ZNF248: variants seen among roughly 807,000 people sequenced by gnomAD.
ZNF248 encodes KRAB protein domain.
ZNF248 carries 20 observed loss-of-function variants against 44.3 expected under a neutral mutation model. The ratio of observed to expected loss-of-function variants is 0.45; its 90% CI spans 0.32 to 0.66. The LOEUF (loss-of-function observed/expected upper bound fraction) is 0.66. ZNF248 is among the 30% of genes least tolerant of loss of function. The probability of loss-of-function intolerance (pLI) is 0.04; values close to 1 mark genes in which losing one functional copy is unlikely to be tolerated. For synonymous variants in ZNF248, 224 were observed against 229.0 expected, an observed-to-expected ratio of 0.98 and a Z score of 0.20; for missense variants, 654 against 677.0, an observed-to-expected ratio of 0.97 and a Z score of 0.38.
chr10:37,777,166 C>A (rs1435530703), intron 6 of ZNF248, among the ~76,000 whole-genome samples: 1 of 152,054 alleles, frequency 6.6e-6, no homozygotes, highest in Non-Finnish European at 1.5e-5. Flanking sequence ...GCTGCCTGCA[C>A]ATTCTACAAA....
chr10:37,784,749 G>A (rs1471404836), intron 6 of ZNF248, among the ~76,000 whole-genome samples: 1 of 152,008 alleles, frequency 6.6e-6, no homozygotes, highest in Admixed American at 6.6e-5. Context: ...ACATCATCCT[G>A]GCCACTACAT....
intron 3 of ZNF248, among the ~76,000 whole-genome samples, chr10:37,841,513 T>C (rs970268080): frequency 6.6e-6 from 1 of 150,544 alleles, no homozygotes; most frequent in Admixed American, 6.6e-5. Flanking sequence ...AATGAGTTCA[T>C]ACTAATATAA....
chr10:37,788,597 G>C (rs1187815645), intron 6 of ZNF248, among the ~76,000 whole-genome samples: 3 of 152,170 alleles, frequency 2.0e-5, no homozygotes, highest in Non-Finnish European at 1.5e-5. Context: ...CTCCAGCCTG[G>C]GTGATGGAAC....
the ZNF248 span, among the ~76,000 whole-genome samples, chr10:37,764,332 C>T: frequency 5.3e-5 from 8 of 152,122 alleles, no homozygotes. Flanking sequence ...TTGGTCAGAC[C>T]GGTTGTCTGC....
At chr10:37,760,562 G>T in the ZNF248 span, among the ~76,000 whole-genome samples, 1 of 152,210 alleles carries the variant, frequency 6.6e-6, no homozygotes, top group African/African-American at 2.4e-5. Flanking sequence ...TAGGCTGGGT[G>T]CAGTGGCTCA....
intron 3 of ZNF248, among the ~76,000 whole-genome samples, chr10:37,845,087 C>T (rs2059096852): frequency 9.5e-6 from 1 of 105,066 alleles, no homozygotes; most frequent in African/African-American, 3.8e-5. Context: ...TCCAACTAGG[C>T]TCACTGCAAC....
At chr10:37,770,752 A>G in the ZNF248 span, among the ~76,000 whole-genome samples, 1 of 152,244 alleles carries the variant, frequency 6.6e-6, no homozygotes, top group East Asian at 1.9e-4. Context: ...CAATGGCAAC[A>G]AAAGACAAAA....
At position 37,829,665 on chromosome 10, in the gene ZNF248, C is replaced by G; in HGVS notation, c.*1950G>C. 1 of 985,376 alleles carries G rather than the reference C, an allele frequency of 1.0e-6. No individual in the cohort carries two copies. The highest frequency in any genetic ancestry group is 1.2e-6 in the Non-Finnish European group (1 of 829,930). 61.0% of individuals were successfully genotyped at this position (985,376 alleles called of 1,614,324 possible). ...CTGAGCTGGCTTTTCCCACCTTGTG[C>G]ACTGTTATCTTCAGGCTACTGCCCT... On this transcript the variant is annotated 3_prime_UTR_variant, in exon 6 of 6. Coordinates refer to ENST00000395867, the MANE Select transcript of ZNF248 (RefSeq NM_021045.3).
chr10:37,826,981 A>G (rs1459793842), downstream of ZNF248, among the ~76,000 whole-genome samples: 2 of 152,166 alleles, frequency 1.3e-5, no homozygotes, highest in African/African-American at 4.8e-5. Context: ...AAGTGAACCA[A>G]TATGTGGGTG....
At chr10:37,761,777 A>T in the ZNF248 span, among the ~76,000 whole-genome samples, 10 of 152,238 alleles carry the variant, frequency 6.6e-5, no homozygotes, top group African/African-American at 2.4e-4. Context: ...AGGTTGCCTG[A>T]GTTGGTTAAA....
intron 1 of ZNF248, 165 bp from the exon 2 acceptor site, chr10:37,856,697 G>A (rs891755546): frequency 1.0e-6 from 1 of 996,968 alleles, no homozygotes; most frequent in African/African-American, 1.7e-5. Flanking sequence ...ATGCCCTGAG[G>A]TTAGATAATG....
intron 6 of ZNF248, among the ~76,000 whole-genome samples, chr10:37,780,155 G>C (rs1201998993): frequency 6.6e-6 from 1 of 151,022 alleles, no homozygotes; most frequent in Non-Finnish European, 1.5e-5. Flanking sequence ...CACAGAATTG[G>C]AAAAATCTAC....
At chr10:37,780,002 A>T (rs1330280656) in intron 6 of ZNF248, among the ~76,000 whole-genome samples, 1 of 149,852 alleles carries the variant, frequency 6.7e-6, no homozygotes, top group Non-Finnish European at 1.5e-5. Flanking sequence ...ACCACTGCTC[A>T]AGGAAATAAA....
the ZNF248 span, among the ~76,000 whole-genome samples, chr10:37,762,834 T>C: frequency 1.3e-5 from 2 of 152,178 alleles, no homozygotes; most frequent in Non-Finnish European, 2.9e-5. Context: ...TTTTATGGGA[T>C]AGTACAATGA....
downstream of ZNF248, among the ~76,000 whole-genome samples, chr10:37,823,858 G>GCCA (rs199508132): frequency 6.6e-4 from 100 of 152,142 alleles, 2 homozygotes; most frequent in East Asian, 0.017. Context: ...ACAGACGTGA[G>GCCA]CCACCATACC....
chr10:37,791,089 T>C (rs1217188718), intron 6 of ZNF248, among the ~76,000 whole-genome samples: 1 of 132,920 alleles, frequency 7.5e-6, no homozygotes, highest in Non-Finnish European at 1.6e-5. Flanking sequence ...AGTCTCACTC[T>C]GTCTCCCAGG....
the ZNF248 span, among the ~76,000 whole-genome samples, chr10:37,769,907 T>G: frequency 2.0e-5 from 3 of 152,206 alleles, no homozygotes; most frequent in Non-Finnish European, 4.4e-5. Context: ...CTTAAGCTGA[T>G]AAGCAACTTC....
chr10:37,761,955 G>A, the ZNF248 span, among the ~76,000 whole-genome samples: 2 of 152,140 alleles, frequency 1.3e-5, no homozygotes. Flanking sequence ...CTTACCTCAA[G>A]ACCAAAAGAT....
chr10:37,840,173 C>T (rs1033006333), intron 3 of ZNF248, among the ~76,000 whole-genome samples: 62 of 152,250 alleles, frequency 4.1e-4, no homozygotes, highest in African/African-American at 1.4e-3. Flanking sequence ...CAGTAGTTCA[C>T]AGAGAGAAAT....
Sources: allele counts gnomAD v4.1 joint callset (sites outside exome capture counted in the v4.1 genomes callset), GRCh38; gene constraint gnomAD v4.1.1; transcripts MANE v1.5; gene names NCBI Gene and HGNC (gene_info 2026-07-23, HGNC 2026-07-21).